The following PTPRD variants were observed in gnomAD, a reference collection of about 807,000 sequenced individuals.
PTPRD encodes protein tyrosine phosphatase receptor type D.
PTPRD carries 34 observed loss-of-function variants against 214.5 expected under a neutral mutation model. The observed-to-expected ratio is 0.16, with a 90% CI of 0.12 to 0.21. The LOEUF (loss-of-function observed/expected upper bound fraction) is 0.21, where lower values mean the gene tolerates loss of function less well. PTPRD is among the 10% of genes least tolerant of loss of function. The probability of loss-of-function intolerance (pLI) is 1.00; values close to 1 mark genes in which losing one functional copy is unlikely to be tolerated. For missense variants in PTPRD, 2,545 were observed against 2,398.7 expected (o/e 1.06, Z -1.27); for synonymous variants, 1,128 against 845.7 (o/e 1.33, Z -5.79).
intron 2 of PTPRD, among the ~76,000 whole-genome samples, chr9:10,415,761 A>C (rs962581970): frequency 5.9e-5 from 9 of 151,952 alleles, no homozygotes; most frequent in African/African-American, 1.9e-4. Context: ...AAGACAGATC[A>C]GAGAAAGAGG....
intron 3 of PTPRD, among the ~76,000 whole-genome samples, chr9:10,053,688 A>T (rs915531946): frequency 2.0e-5 from 3 of 152,138 alleles, no homozygotes; most frequent in African/African-American, 7.2e-5. Flanking sequence ...ACATTTTACC[A>T]TTCTAATTTA....
chr9:9,006,444 A>T (rs2099467662), intron 11 of PTPRD, among the ~76,000 whole-genome samples: 1 of 152,058 alleles, frequency 6.6e-6, no homozygotes, highest in Non-Finnish European at 1.5e-5. Context: ...GGTATTTACA[A>T]ATTTAATTTT....
At chr9:8,816,720 T>A (rs1023873461) in intron 11 of PTPRD, among the ~76,000 whole-genome samples, 3 of 152,230 alleles carry the variant, frequency 2.0e-5, no homozygotes, top group African/African-American at 7.2e-5. Flanking sequence ...ATAGGCACTC[T>A]TTCCATATCA....
chr9:9,795,307 C>T (rs940632363), intron 5 of PTPRD, among the ~76,000 whole-genome samples: 2 of 151,990 alleles, frequency 1.3e-5, no homozygotes, highest in African/African-American at 4.8e-5. Context: ...CCTAACTATC[C>T]CATTGTAGGG....
intron 2 of PTPRD, among the ~76,000 whole-genome samples, chr9:10,543,832 CAT>C (rs993996642): frequency 6.6e-6 from 1 of 152,084 alleles, no homozygotes; most frequent in African/African-American, 2.4e-5. Context: ...TTAACAGAAA[CAT>C]AAAATACAGA....
intron 2 of PTPRD, 106 bp downstream of exon 2, chr9:10,612,292 C>T (rs546386223): frequency 2.6e-5 from 4 of 151,758 alleles, no homozygotes; most frequent in African/African-American, 9.7e-5. Context: ...AAGTTATTCC[C>T]AGGTAAAATG....
At chr9:9,821,748 A>G (rs1478496081) in intron 5 of PTPRD, among the ~76,000 whole-genome samples, 1 of 151,856 alleles carries the variant, frequency 6.6e-6, no homozygotes, top group Admixed American at 6.6e-5. Flanking sequence ...GAAGACTTTG[A>G]GAGATAACTA....
chr9:9,350,666 A>G (rs2050762485), intron 9 of PTPRD, among the ~76,000 whole-genome samples: 1 of 152,086 alleles, frequency 6.6e-6, no homozygotes, highest in African/African-American at 2.4e-5. Flanking sequence ...ATGGACCAGA[A>G]AGGAATCTGT....
At chr9:10,002,520 A>G (rs2096350914) in intron 4 of PTPRD, among the ~76,000 whole-genome samples, 1 of 151,144 alleles carries the variant, frequency 6.6e-6, no homozygotes, top group East Asian at 1.9e-4. Flanking sequence ...TGTTACCAAA[A>G]GAAAACTAAA....
At chr9:9,411,965 G>T (rs185699836) in intron 8 of PTPRD, among the ~76,000 whole-genome samples, 33 of 152,312 alleles carry the variant, frequency 2.2e-4, no homozygotes, top group African/African-American at 7.7e-4. Flanking sequence ...CTGAGGCCAG[G>T]AAAAGGTCAG....
intron 5 of PTPRD, among the ~76,000 whole-genome samples, chr9:9,782,190 T>A (rs1393662912): frequency 6.6e-6 from 1 of 152,112 alleles, no homozygotes; most frequent in Non-Finnish European, 1.5e-5. Context: ...CCTACAGTCA[T>A]CTCAACACAG....
At position 9,233,321 on chromosome 9, in the gene PTPRD, TG is replaced by T. The variant is rs1225698840; in HGVS notation, c.-202-49959del. Among the ~76,000 whole-genome samples the T allele has an allele frequency of 5.3e-5, 8 of 152,204 alleles. No individual in the cohort carries two copies. In the South Asian group the frequency reaches 1.2e-3, roughly 24 times the overall value. ...AGATCTCACTATCATGAGAACAATA[TG>T]GGGGTAACTGCCCCCAAGATTCAAT... On this transcript the variant is annotated intron_variant, in intron 9 of 45. Coordinates refer to ENST00000381196, the MANE Select transcript of PTPRD (RefSeq NM_002839.4).
At chr9:8,600,234 G>T (rs960424856) in intron 14 of PTPRD, among the ~76,000 whole-genome samples, 3 of 152,198 alleles carry the variant, frequency 2.0e-5, no homozygotes, top group African/African-American at 7.2e-5. Flanking sequence ...AGACGGAGGG[G>T]ATTGCCCATC....
At chr9:10,125,427 TTA>T (rs1563972085) in intron 3 of PTPRD, among the ~76,000 whole-genome samples, 267 of 60,726 alleles carry the variant, frequency 4.4e-3, no homozygotes, top group African/African-American at 0.02. Context: ...TTTTATTTTA[TTA>T]TTATTATTAT....
intron 11 of PTPRD, among the ~76,000 whole-genome samples, chr9:9,005,815 G>C (rs894463589): frequency 6.6e-6 from 1 of 151,918 alleles, no homozygotes; most frequent in Non-Finnish European, 1.5e-5. Flanking sequence ...GATGTCTGGA[G>C]GGCAGACTTA....
Position 10,129,589 on chromosome 9 carries a change from G to C in PTPRD, c.-544-95799C>G, listed in dbSNP as rs114948379. On this transcript the variant is annotated intron_variant, in intron 3 of 45. Transcript: ENST00000381196. ...CATCTCACCTACTATCAAGAAATCA[G>C]TTGCCAAATAAATGCTAGTGACAAC... is the stretch of plus-strand genomic sequence containing the variant. Among the ~76,000 whole-genome samples the C allele has an allele frequency of 4.1e-3, 593 of 145,540 alleles. 5 individuals are homozygous for C. Among genetic ancestry groups the C allele is most frequent in the African/African-American group, 8.4e-3 (330 of 39,234 alleles).
intron 10 of PTPRD, among the ~76,000 whole-genome samples, chr9:9,066,399 T>C (rs952064922): frequency 6.6e-6 from 1 of 152,176 alleles, no homozygotes; most frequent in Non-Finnish European, 1.5e-5. Context: ...GTAGTCTGTG[T>C]TTTTCTAAAA....
intron 7 of PTPRD, among the ~76,000 whole-genome samples, chr9:9,686,026 G>C (rs933445013): frequency 6.6e-6 from 1 of 151,392 alleles, no homozygotes; most frequent in African/African-American, 2.4e-5. Flanking sequence ...AGACATTTTG[G>C]TGTTTTCAGG....
intron 35 of PTPRD, among the ~76,000 whole-genome samples, chr9:8,420,274 A>G (rs552284856): frequency 9.2e-5 from 14 of 152,328 alleles, no homozygotes; most frequent in African/African-American, 3.1e-4. Context: ...AGAGCTTAGT[A>G]AATATCTGTT....
Sources: gnomAD v4.1 joint callset for allele counts (sites outside exome capture counted in the v4.1 genomes callset) on GRCh38, gnomAD v4.1.1 for gene constraint, MANE v1.5 for transcripts, NCBI Gene and HGNC (gene_info 2026-07-23, HGNC 2026-07-21) for gene names.